CAMKK2: variants seen among roughly 807,000 people sequenced by gnomAD.
CAMKK2 encodes calcium/calmodulin-dependent protein kinase kinase 2.
Under a neutral mutation model 67.2 loss-of-function variants are expected in CAMKK2, and 30 were observed. That is an observed-to-expected ratio of 0.45 (90% CI 0.33 to 0.61). CAMKK2 has a LOEUF of 0.61. Ranked by LOEUF, CAMKK2 falls within the 20% of genes least tolerant of loss-of-function variation. The pLI is 0.02. For synonymous variants in CAMKK2, 322 were observed against 326.2 expected (o/e 0.99, Z 0.14); for missense variants, 643 against 802.0 (o/e 0.80, Z 2.39).
chr12:121,248,814 G>T, intron 13 of CAMKK2, 80 bp from the exon 14 acceptor site: 2 of 1,554,016 alleles, frequency 1.3e-6, no homozygotes, highest in Non-Finnish European at 1.8e-6. Flanking sequence ...AGCCACAAGG[G>T]CATGCAGGAC....
At chr12:121,266,197 T>C (rs565857823) in intron 5 of CAMKK2, among the ~76,000 whole-genome samples, 34 of 152,310 alleles carry the variant, frequency 2.2e-4, no homozygotes, top group African/African-American at 7.0e-4. Flanking sequence ...CCTCCCAAAG[T>C]GCTGGCGTGA....
intron 4 of CAMKK2, 94 bp from the exon 5 acceptor site, chr12:121,268,783 C>A: frequency 8.5e-7 from 1 of 1,183,124 alleles, no homozygotes; most frequent in Non-Finnish European, 1.3e-6. Context: ...TCCTCTACTC[C>A]AAAGCCGGCC....
In CAMKK2 at chr12:121,253,255, A is replaced by C; in HGVS notation, c.1107+18T>G. On this transcript the variant is annotated intron_variant, in intron 10 of 16. Transcript: ENST00000404169. The surrounding 1 kb of genome is among the most constrained non-coding windows in gnomAD (Gnocchi z 5.0). ...TAACACAGGCAGAACTCTGTGGCTG[A>C]GGCAGGCCCAAGCTTACCTTCCCAG... 1.9e-6 allele frequency: 3 copies of C among 1,611,322 alleles called. No individual in the cohort carries two copies. The highest frequency in any genetic ancestry group is 2.5e-6 in the Non-Finnish European group (3 of 1,177,572).
chr12:121,258,692 C>T (rs1593346925), intron 7 of CAMKK2, among the ~76,000 whole-genome samples: 1 of 152,262 alleles, frequency 6.6e-6, no homozygotes, highest in East Asian at 1.9e-4. Context: ...CAACTGCCAC[C>T]TCGAGTTGTG....
rs1221114491 is a variant in CAMKK2 at position 121,249,811 on chromosome 12, C to T, written c.1299G>A (p.Ser433=). The T allele has an allele frequency of 5.6e-6, 9 of 1,614,014 alleles. No homozygotes were observed. Among genetic ancestry groups the T allele is most frequent in the Admixed American group, 3.3e-5 (2 of 60,004 alleles). Residue 433 remains serine, a synonymous_variant, in exon 13 of 17, where the codon TCG becomes TCA. Transcript: ENST00000404169. ...CCTTGATTTCCGGCACCACGATCCT[C>T]GACTCGGGGTTCTTGTCCAGCATAC... The part of the protein sequence containing the change: ...ITRMLDKNPE[S]RIVVPEIKLH...
intron 5 of CAMKK2, among the ~76,000 whole-genome samples, chr12:121,265,786 A>G (rs1226928496): frequency 6.6e-6 from 1 of 150,554 alleles, no homozygotes; most frequent in Non-Finnish European, 1.5e-5. Context: ...TGAACCCAGG[A>G]GGTGAAGTTT....
chr12:121,274,731 T>A, intron 1 of CAMKK2, 146 bp from the exon 2 acceptor site: 1 of 557,074 alleles, frequency 1.8e-6, no homozygotes, highest in Non-Finnish European at 3.2e-6. Context: ...TGTGATCTGA[T>A]CTCTGAGTCT....
chr12:121,256,087 C>T lies in CAMKK2; in HGVS notation c.797-283G>A, dbSNP rs544841864. ...CAGGATCCACTGGTCAAAGAAAACA[C>T]GGCAGGGGGCTGGGCACGGTGGCTC... On this transcript the variant is annotated intron_variant, in intron 7 of 16. Coordinates refer to ENST00000404169, the MANE Select transcript of CAMKK2 (RefSeq NM_001270485.2). 6.6e-5 allele frequency among the ~76,000 whole-genome samples: 10 copies of T among 152,300 alleles called. No homozygotes were observed. In the South Asian group the frequency reaches 1.5e-3, roughly 22 times the overall value.
intron 16 of CAMKK2, among the ~76,000 whole-genome samples, chr12:121,241,953 C>G (rs1308444061): frequency 6.6e-6 from 1 of 152,188 alleles, no homozygotes; most frequent in Non-Finnish European, 1.5e-5. Context: ...GGGCTGAGGG[C>G]AGGGGATCCC....
intron 3 of CAMKK2, chr12:121,269,900 T>C (rs1403959368): frequency 4.6e-6 from 1 of 217,084 alleles, no homozygotes; most frequent in African/African-American, 2.3e-5. Context: ...AATACAAAAA[T>C]TAGCCGGGGC....
intron 11 of CAMKK2, among the ~76,000 whole-genome samples, chr12:121,250,567 G>A (rs1890494837): frequency 6.6e-6 from 1 of 152,138 alleles, no homozygotes; most frequent in South Asian, 2.1e-4. Context: ...CACCTTCTCA[G>A]GGAGGACTTC....
chr12:121,271,252 CAA>C (rs1895699974), intron 2 of CAMKK2, among the ~76,000 whole-genome samples: 1 of 121,646 alleles, frequency 8.2e-6, no homozygotes, highest in South Asian at 2.6e-4. Context: ...CCAGCCTGGG[CAA>C]AAGAGTAAAA....
intron 1 of CAMKK2, among the ~76,000 whole-genome samples, chr12:121,292,652 A>G (rs1900289128): frequency 6.6e-6 from 1 of 152,162 alleles, no homozygotes; most frequent in African/African-American, 2.4e-5. Context: ...AGAAGAAGTG[A>G]GTGGGAAAGC....
At chr12:121,294,124 G>A (rs908845252) in intron 1 of CAMKK2, among the ~76,000 whole-genome samples, 2 of 152,040 alleles carry the variant, frequency 1.3e-5, no homozygotes, top group African/African-American at 4.8e-5. Flanking sequence ...GTAGAGATGG[G>A]GTTTCACCAT....
intron 9 of CAMKK2, among the ~76,000 whole-genome samples, chr12:121,254,260 C>G (rs1317356527): frequency 6.6e-6 from 1 of 151,966 alleles, no homozygotes; most frequent in Non-Finnish European, 1.5e-5. Flanking sequence ...GAGTTCAAGA[C>G]CAGCCTGGCC....
rs867423718 is a variant in CAMKK2, at chr12:121,245,986, G to A, written c.1453-746C>T. On this transcript the variant is annotated intron_variant, in intron 14 of 16. Coordinates refer to ENST00000404169, the MANE Select transcript of CAMKK2 (RefSeq NM_001270485.2). This position sits in a 1 kb window ranked among gnomAD's most constrained non-coding sequence, Gnocchi z 5.8. ...ACGGACCCTGAAAACCTTCTCCTAC[G>A]TCAAAGTAGCCAGGCCCGAAAGGCC... Among the ~76,000 whole-genome samples, 4 of 152,032 alleles carry A rather than the reference G, an allele frequency of 2.6e-5. No homozygotes were observed. Among genetic ancestry groups the A allele is most frequent in the African/African-American group, 7.2e-5 (3 of 41,396 alleles).
intron 1 of CAMKK2, among the ~76,000 whole-genome samples, chr12:121,277,202 C>T (rs751596594): frequency 1.6e-4 from 25 of 152,274 alleles, no homozygotes; most frequent in African/African-American, 3.4e-4. Flanking sequence ...AGCCCTGACA[C>T]GGGCCTGACT....
chr12:121,266,129 C>T (rs1894480993), intron 5 of CAMKK2, among the ~76,000 whole-genome samples: 1 of 152,130 alleles, frequency 6.6e-6, no homozygotes, highest in Admixed American at 6.5e-5. Context: ...ACAGGGGTCT[C>T]ACTACATTGC....
intron 1 of CAMKK2, among the ~76,000 whole-genome samples, chr12:121,289,727 C>T (rs2686350): frequency 0.27 from 40,759 of 151,778 alleles, 9,743 homozygotes; most frequent in African/African-American, 0.64. Context: ...ACCTCGTCTC[C>T]ACTAAAAATA....
Sources: gnomAD v4.1 joint callset for allele counts (sites outside exome capture counted in the v4.1 genomes callset) on GRCh38, gnomAD v4.1.1 for gene constraint, Gnocchi (gnomAD v3.1) non-coding constraint, MANE v1.5 for transcripts, NCBI Gene and HGNC (gene_info 2026-07-23, HGNC 2026-07-21) for gene names.